RBFOX1: variants seen among roughly 807,000 people sequenced by gnomAD.
RBFOX1 encodes RNA binding fox-1 homolog 1, also known as RNA binding protein fox-1 homolog 1.
A neutral mutation model predicts 57.7 loss-of-function variants in RBFOX1; 8 were observed. The ratio of observed to expected loss-of-function variants is 0.14; its 90% CI spans 0.08 to 0.25. The LOEUF (loss-of-function observed/expected upper bound fraction) is 0.25, where lower values mean the gene tolerates loss of function less well. RBFOX1 is among the 10% of genes least tolerant of loss of function. The probability of loss-of-function intolerance (pLI) is 1.00; values close to 1 mark genes in which losing one functional copy is unlikely to be tolerated. For missense variants in RBFOX1, 611 were observed against 548.5 expected, an observed-to-expected ratio of 1.11 and a Z score of -1.14; for synonymous variants, 326 against 222.4, an observed-to-expected ratio of 1.47 and a Z score of -4.15.
At chr16:7,132,003 T>C (rs1235183087) in intron 4 of RBFOX1, among the ~76,000 whole-genome samples, 18 of 149,808 alleles carry the variant, frequency 1.2e-4, no homozygotes, top group African/African-American at 3.7e-4. Flanking sequence ...TCTTTCTTTT[T>C]TTTTTTTTTT....
At chr16:6,087,157 G>T (rs1249252051) in intron 1 of RBFOX1, among the ~76,000 whole-genome samples, 1 of 152,160 alleles carries the variant, frequency 6.6e-6, no homozygotes, top group Non-Finnish European at 1.5e-5. Context: ...TATGAGGATA[G>T]ATTCATTCTC....
At chr16:7,666,011 C>T (rs901640898) in intron 13 of RBFOX1, among the ~76,000 whole-genome samples, 2 of 151,964 alleles carry the variant, frequency 1.3e-5, no homozygotes, top group African/African-American at 2.4e-5. Context: ...TATTTTTTCC[C>T]CCGTAATAAA....
At chr16:7,478,444 C>G (rs1448549874) in intron 4 of RBFOX1, among the ~76,000 whole-genome samples, 1 of 152,140 alleles carries the variant, frequency 6.6e-6, no homozygotes, top group Non-Finnish European at 1.5e-5. Context: ...GCAATCTGAG[C>G]TGCTGAAGAG....
chr16:7,053,341 C>A (rs537249494), intron 4 of RBFOX1, among the ~76,000 whole-genome samples: 1 of 152,328 alleles, frequency 6.6e-6, no homozygotes. Context: ...GTGACCCTTT[C>A]CTTCATGGAA....
chr16:6,481,939 C>G (rs981497568), intron 2 of RBFOX1, among the ~76,000 whole-genome samples: 1 of 152,048 alleles, frequency 6.6e-6, no homozygotes, highest in Non-Finnish European at 1.5e-5. Flanking sequence ...AATCCCTCCT[C>G]GTTTTGTTCC....
At chr16:6,148,212 A>G (rs2096772929) in intron 1 of RBFOX1, among the ~76,000 whole-genome samples, 1 of 152,180 alleles carries the variant, frequency 6.6e-6, no homozygotes. Context: ...CTGTAATCCC[A>G]GCTACTTGGG....
intron 1 of RBFOX1, among the ~76,000 whole-genome samples, chr16:5,262,478 C>G (rs148769871): frequency 2.0e-5 from 3 of 152,204 alleles, no homozygotes; most frequent in Non-Finnish European, 4.4e-5. Context: ...CATCAATCTT[C>G]TCCTGAGTTT....
chr16:6,811,025 C>A (rs1334539307), intron 3 of RBFOX1, among the ~76,000 whole-genome samples: 1 of 152,170 alleles, frequency 6.6e-6, no homozygotes, highest in Non-Finnish European at 1.5e-5. Flanking sequence ...ACAGAACACA[C>A]ACAGAAAAAC....
At chr16:7,629,064 G>T (rs547446415) in intron 10 of RBFOX1, among the ~76,000 whole-genome samples, 1 of 152,174 alleles carries the variant, frequency 6.6e-6, no homozygotes, top group Non-Finnish European at 1.5e-5. Context: ...GCTATTTTGC[G>T]GGTGGGGGTG....
chr16:5,922,799 C>G (rs2058852909), intron 4 of RBFOX1, among the ~76,000 whole-genome samples: 1 of 152,218 alleles, frequency 6.6e-6, no homozygotes, highest in Non-Finnish European at 1.5e-5. Context: ...GGGGCTAACG[C>G]TCTCCATTCT....
intron 3 of RBFOX1, among the ~76,000 whole-genome samples, chr16:6,709,154 G>C (rs189846046): frequency 7.2e-5 from 11 of 152,154 alleles, no homozygotes; most frequent in Admixed American, 2.6e-4. Context: ...TTTATTGAAA[G>C]CTGGTAAATT....
At chr16:6,832,863 T>G (rs1352683269) in intron 3 of RBFOX1, among the ~76,000 whole-genome samples, 1 of 152,258 alleles carries the variant, frequency 6.6e-6, no homozygotes, top group Non-Finnish European at 1.5e-5. Context: ...TATCAAAGCC[T>G]GTGCTAGACC....
chr16:6,645,011 G>T (rs778982283), intron 2 of RBFOX1, among the ~76,000 whole-genome samples: 2 of 152,124 alleles, frequency 1.3e-5, no homozygotes, highest in Non-Finnish European at 2.9e-5. Context: ...GAGGCTCTAC[G>T]TCCAAGTTGA....
At chr16:6,616,187 G>C (rs117113419) in intron 2 of RBFOX1, among the ~76,000 whole-genome samples, 1 of 152,102 alleles carries the variant, frequency 6.6e-6, no homozygotes, top group African/African-American at 2.4e-5. Flanking sequence ...TAACTTTTCT[G>C]TTCTTTGGTA....
At chr16:7,234,441 C>T (rs1183314203) in intron 4 of RBFOX1, among the ~76,000 whole-genome samples, 3 of 151,944 alleles carry the variant, frequency 2.0e-5, no homozygotes, top group Non-Finnish European at 4.4e-5. Flanking sequence ...GTGCAAGATG[C>T]CATCAATAAA....
At chr16:5,313,218 C>G (rs79444174) in intron 1 of RBFOX1, among the ~76,000 whole-genome samples, 1 of 152,290 alleles carries the variant, frequency 6.6e-6, no homozygotes, top group East Asian at 1.9e-4. Flanking sequence ...GGGCAAATTG[C>G]TCCATTTGCT....
intron 2 of RBFOX1, among the ~76,000 whole-genome samples, chr16:6,582,079 C>A (rs1051964182): frequency 2.0e-5 from 3 of 152,122 alleles, no homozygotes; most frequent in Non-Finnish European, 4.4e-5. Flanking sequence ...CCCCACCCAA[C>A]AAAGAATTAT....
chr16:7,126,400 T>C, intron 4 of RBFOX1: 1 of 241,660 alleles, frequency 4.1e-6, no homozygotes, highest in South Asian at 5.9e-5. Flanking sequence ...ACTACTTTAC[T>C]GTGAACTGTG....
intron 2 of RBFOX1, among the ~76,000 whole-genome samples, chr16:6,531,632 T>G (rs973750331): frequency 6.6e-6 from 1 of 152,214 alleles, no homozygotes; most frequent in Non-Finnish European, 1.5e-5. Context: ...AGTGTACGAA[T>G]GACCCATTCT....
Sources: allele counts gnomAD v4.1 joint callset (sites outside exome capture counted in the v4.1 genomes callset), GRCh38; gene constraint gnomAD v4.1.1; transcripts MANE v1.5; gene names NCBI Gene and HGNC (gene_info 2026-07-23, HGNC 2026-07-21).